SLC2A12: variants seen among roughly 807,000 people sequenced by gnomAD.
SLC2A12 encodes the protein solute carrier family 2 member 12, also known as solute carrier family 2, facilitated glucose transporter member 12.
Under a neutral mutation model 41.8 loss-of-function variants are expected in SLC2A12, and 23 were observed. The ratio of observed to expected loss-of-function variants is 0.55; its 90% CI spans 0.40 to 0.78. The LOEUF (loss-of-function observed/expected upper bound fraction) is 0.78, where lower values mean the gene tolerates loss of function less well. SLC2A12 is among the 30% of genes least tolerant of loss of function. The pLI is 0.00. For missense variants in SLC2A12, 654 were observed against 745.6 expected (o/e 0.88, Z 1.43); for synonymous variants, 295 against 285.9 (o/e 1.03, Z -0.32).
intron 2 of SLC2A12, among the ~76,000 whole-genome samples, chr6:134,011,158 G>C (rs1411875030): frequency 6.6e-6 from 1 of 152,286 alleles, no homozygotes; most frequent in Admixed American, 6.5e-5. Flanking sequence ...TACTTTGTAG[G>C]AGTGAAAAAT....
intron 1 of SLC2A12, among the ~76,000 whole-genome samples, chr6:134,042,942 G>A (rs894822989): frequency 6.6e-6 from 1 of 151,320 alleles, no homozygotes; most frequent in Non-Finnish European, 1.5e-5. Context: ...ACCCCAGCCT[G>A]GGCGACAGAG....
chr6:134,016,075 G>A (rs957341761), intron 2 of SLC2A12, among the ~76,000 whole-genome samples: 2 of 152,036 alleles, frequency 1.3e-5, no homozygotes, highest in African/African-American at 4.8e-5. Flanking sequence ...GTTCTCCGTA[G>A]GTCTCTCACA....
intron 1 of SLC2A12, among the ~76,000 whole-genome samples, chr6:134,034,824 AG>A (rs968051851): frequency 1.3e-5 from 2 of 152,192 alleles, no homozygotes; most frequent in African/African-American, 4.8e-5. Flanking sequence ...AAAAATACCC[AG>A]CTTTCAAGTC....
chr6:134,021,362 G>T (rs1777037916), intron 2 of SLC2A12, among the ~76,000 whole-genome samples: 1 of 152,106 alleles, frequency 6.6e-6, no homozygotes. Flanking sequence ...CTCATGCTGT[G>T]CTCACTTACA....
intron 1 of SLC2A12, among the ~76,000 whole-genome samples, chr6:134,051,850 T>C (rs1466579814): frequency 6.6e-6 from 1 of 152,184 alleles, no homozygotes; most frequent in Non-Finnish European, 1.5e-5. Context: ...AAAAGGAAGT[T>C]TGTGTTCTCA....
Position 134,028,958 on chromosome 6 carries a change from T to C in SLC2A12, c.867A>G (p.Val289=), listed in dbSNP as rs201449074. The part of the protein sequence containing the change: ...IMIGLTLVFF[V]QITGQPNILF... ...ATATGTTTGGTTGGCCAGTGATTTG[T>C]ACAAAAAATACTAGTGTTAGTCCTA... is the stretch of plus-strand genomic sequence containing the variant. Residue 289 remains valine, a synonymous_variant, in exon 2 of 5, where the codon GTA becomes GTG. Coordinates refer to ENST00000275230, the MANE Select transcript of SLC2A12 (RefSeq NM_145176.3). 6.2e-7 allele frequency: 1 copy of C among 1,614,242 alleles called. No individual in the cohort carries two copies. The highest frequency in any genetic ancestry group is 8.5e-7 in the Non-Finnish European group (1 of 1,180,044).
rs1776604933 is a variant in SLC2A12 at position 133,990,440 on chromosome 6, T to A, written c.*715A>T. The A allele has an allele frequency of 6.6e-6, 1 of 152,650 alleles. No individual in the cohort carries two copies. Among genetic ancestry groups the A allele is most frequent in the Non-Finnish European group, 1.5e-5 (1 of 68,046 alleles). 9.5% of individuals were successfully genotyped at this position (152,650 alleles called of 1,614,324 possible). A position where few individuals can be genotyped will look rare whatever the true frequency, so the allele number is the denominator to read the frequency against. The stretch of plus-strand genomic sequence containing the variant: ...GGTCCCAGGATTTTAAAATTGTCTT[T>A]TCTATGCATTTTTTAAAAATGGAAA... On this transcript the variant is annotated 3_prime_UTR_variant, in exon 5 of 5. Coordinates refer to ENST00000275230, the MANE Select transcript of SLC2A12 (RefSeq NM_145176.3).
chr6:134,031,562 G>A (rs1028279209), intron 1 of SLC2A12, among the ~76,000 whole-genome samples: 1 of 152,136 alleles, frequency 6.6e-6, no homozygotes, highest in African/African-American at 2.4e-5. Context: ...GTACTATATG[G>A]GGCCAACACC....
chr6:134,006,121 G>A (rs1384644904), intron 3 of SLC2A12, among the ~76,000 whole-genome samples: 1 of 143,718 alleles, frequency 7.0e-6, no homozygotes, highest in Non-Finnish European at 1.5e-5. Context: ...ACAGTGAGCC[G>A]AGATCATGCC....
chr6:134,026,552 A>G (rs901954917), intron 2 of SLC2A12, among the ~76,000 whole-genome samples: 6 of 152,252 alleles, frequency 3.9e-5, no homozygotes, highest in Non-Finnish European at 8.8e-5. Context: ...TCTCATAGGT[A>G]TACACTCAAG....
chr6:134,020,142 GT>G (rs1464895091), intron 2 of SLC2A12, among the ~76,000 whole-genome samples: 4 of 152,104 alleles, frequency 2.6e-5, no homozygotes, highest in African/African-American at 9.7e-5. Context: ...GTAAAATGAC[GT>G]GGGGCATCCA....
At chr6:134,003,255 C>T (rs1035794493) in intron 3 of SLC2A12, among the ~76,000 whole-genome samples, 8 of 152,160 alleles carry the variant, frequency 5.3e-5, no homozygotes, top group African/African-American at 1.9e-4. Context: ...TAATTAAACT[C>T]CTGTCTCTCT....
chr6:133,994,837 AG>A (rs544418830), intron 4 of SLC2A12, among the ~76,000 whole-genome samples: 4 of 152,220 alleles, frequency 2.6e-5, no homozygotes, highest in Non-Finnish European at 4.4e-5. Flanking sequence ...GAGGAAGCAG[AG>A]GAATAGAGAC....
intron 4 of SLC2A12, among the ~76,000 whole-genome samples, chr6:133,991,985 G>T (rs1020930658): frequency 6.6e-6 from 1 of 152,138 alleles, no homozygotes; most frequent in African/African-American, 2.4e-5. Context: ...TTAGTTGGGT[G>T]GGAGAGGACA....
intron 1 of SLC2A12, among the ~76,000 whole-genome samples, chr6:134,050,054 G>A (rs1381943936): frequency 1.3e-5 from 2 of 152,120 alleles, no homozygotes; most frequent in Non-Finnish European, 2.9e-5. Context: ...ATATGAAGAA[G>A]CCAAAAGGAG....
intron 1 of SLC2A12, among the ~76,000 whole-genome samples, chr6:134,032,473 T>TATATATAA (rs1777231759): frequency 1.7e-5 from 1 of 59,832 alleles, no homozygotes; most frequent in African/African-American, 5.2e-5. Context: ...TATTTTTATA[T>TATATATAA]ATATATATAT....
chr6:134,032,429 TA>T (rs1777224395), intron 1 of SLC2A12, among the ~76,000 whole-genome samples: 1 of 28,900 alleles, frequency 3.5e-5, no homozygotes, highest in Non-Finnish European at 7.1e-5. Flanking sequence ...TATATATTTA[TA>T]TATATATATA....
chr6:134,040,331 A>G (rs1298153995), intron 1 of SLC2A12, among the ~76,000 whole-genome samples: 1 of 152,102 alleles, frequency 6.6e-6, no homozygotes, highest in Non-Finnish European at 1.5e-5. Flanking sequence ...CTCCCACCTC[A>G]GCCTCCCAAA....
Position 133,991,097 on chromosome 6 carries a change from C to T in SLC2A12, c.*58G>A. The T allele has an allele frequency of 1.3e-6, 2 of 1,554,934 alleles. No individual in the cohort carries two copies. Among genetic ancestry groups the T allele is most frequent in the South Asian group, 1.2e-5 (1 of 80,976 alleles). ...ACAGGAGTCGCAACTATGCATTGGTCCAAAGACACCCTCCTAAGTGTTCTG... is the reference window on the plus strand; with the variant it reads ...ACAGGAGTCGCAACTATGCATTGGTTCAAAGACACCCTCCTAAGTGTTCTG... On this transcript the variant is annotated 3_prime_UTR_variant, in exon 5 of 5. Transcript: ENST00000275230.
Sources: gnomAD v4.1 joint callset for allele counts (sites outside exome capture counted in the v4.1 genomes callset) on GRCh38, gnomAD v4.1.1 for gene constraint, MANE v1.5 for transcripts, NCBI Gene and HGNC (gene_info 2026-07-23, HGNC 2026-07-21) for gene names.